Variants in ELAC2 observed in about 807,000 individuals in gnomAD.
ELAC2 encodes the protein elaC ribonuclease Z 2, also known as zinc phosphodiesterase ELAC protein 2.
A neutral mutation model predicts 105.2 loss-of-function variants in ELAC2; 92 were observed. The ratio of observed to expected loss-of-function variants is 0.87; its 90% CI spans 0.74 to 1.04. ELAC2 has a LOEUF of 1.04. ELAC2 is among the 50% of genes least tolerant of loss of function. The probability of loss-of-function intolerance (pLI) is 0.00; values close to 1 mark genes in which losing one functional copy is unlikely to be tolerated. For synonymous variants in ELAC2, 468 were observed against 409.1 expected, an observed-to-expected ratio of 1.14 and a Z score of -1.74; for missense variants, 1,099 against 1,071.7, an observed-to-expected ratio of 1.03 and a Z score of -0.36.
chr17:13,002,436 A>T lies in ELAC2; in HGVS notation c.1218+5T>A. ...GGCCGACAAGGGGCCGGTCTGAGAC[A>T]CTACCTTACAGCGGAAACTGGTGAG... is the stretch of plus-strand genomic sequence containing the variant. On this transcript the variant is annotated splice_donor_5th_base_variant and intron_variant, in intron 13 of 23. Coordinates refer to ENST00000338034, the MANE Select transcript of ELAC2 (RefSeq NM_018127.7). 6.2e-7 allele frequency: 1 copy of T among 1,613,450 alleles called. No homozygotes were observed.
intron 8 of ELAC2, among the ~76,000 whole-genome samples, chr17:13,010,190 TGA>T (rs928251430): frequency 2.4e-4 from 37 of 152,230 alleles, no homozygotes; most frequent in African/African-American, 8.2e-4. Flanking sequence ...TTTTTTTCTT[TGA>T]GAGAGTCTTG....
At chr17:13,000,337 T>C (rs375798344) in intron 14 of ELAC2, 63 bp from the exon 15 acceptor site, 180 of 1,431,488 alleles carry the variant, frequency 1.3e-4, no homozygotes, top group Admixed American at 8.0e-4. Flanking sequence ...GCAGACCCCA[T>C]TGGGGATGTC....
At chr17:13,015,186 T>C (rs1001103018) in intron 4 of ELAC2, among the ~76,000 whole-genome samples, 13 of 152,166 alleles carry the variant, frequency 8.5e-5, no homozygotes, top group Non-Finnish European at 1.5e-4. Context: ...AAGGCGAGAA[T>C]GAATATGGGA....
chr17:13,016,269 T>C (rs532994835), intron 3 of ELAC2, among the ~76,000 whole-genome samples: 2 of 152,272 alleles, frequency 1.3e-5, no homozygotes, highest in East Asian at 3.9e-4. Context: ...ATCTGGACAG[T>C]GGGTATGTGT....
At chr17:12,996,104 C>T (rs561691538) in intron 17 of ELAC2, 126 bp from the exon 18 acceptor site, 41 of 1,045,996 alleles carry the variant, frequency 3.9e-5, no homozygotes, top group East Asian at 3.4e-4. Context: ...CTAACACAGC[C>T]GCAGTGGGGG....
In ELAC2 at chr17:13,003,792, C is replaced by A. The variant is rs760011477; in HGVS notation, c.984-218G>T. On this transcript the variant is annotated intron_variant, in intron 11 of 23. Coordinates refer to ENST00000338034, the MANE Select transcript of ELAC2 (RefSeq NM_018127.7). ...GTGGGATTCCTGTATCTGGCAAGCT[C>A]TGCTCTGGGCTTTCCAGTAGGCCTG... 2.6e-3 allele frequency: 1,511 copies of A among 577,580 alleles called. 7 individuals are homozygous for A. The highest frequency in any genetic ancestry group is 3.4e-3 in the Non-Finnish European group (1,085 of 319,872). The allele number at this position is 577,580 out of a possible 1,614,324, so 35.8% of individuals were successfully genotyped here.
intron 14 of ELAC2, among the ~76,000 whole-genome samples, chr17:13,001,667 T>A (rs996894813): frequency 6.6e-6 from 1 of 152,092 alleles, no homozygotes; most frequent in Non-Finnish European, 1.5e-5. Context: ...AATCCCACAT[T>A]TAGGAATGAC....
chr17:12,999,547 T>G (rs2040651792), intron 15 of ELAC2, among the ~76,000 whole-genome samples: 1 of 152,258 alleles, frequency 6.6e-6, no homozygotes, highest in African/African-American at 2.4e-5. Flanking sequence ...AAGTCCCTGC[T>G]CAGAGCTCTT....
At chr17:12,997,192 C>T (rs985354884) in intron 16 of ELAC2, among the ~76,000 whole-genome samples, 3 of 152,140 alleles carry the variant, frequency 2.0e-5, no homozygotes, top group Admixed American at 6.6e-5. Context: ...TTCAGGGAGC[C>T]AGTTAACGCA....
Position 13,005,938 on chromosome 17 carries a change from C to T in ELAC2, c.780G>A (p.Lys260=). The change falls in exon 9 of 24, where the codon AAG becomes AAA. Residue 260 remains lysine, a synonymous_variant. Transcript: ENST00000338034. ...KRGNFLVLKA[K]EMGLPVGTAA... is the part of the protein sequence containing the mutation. Reference sequence around the variant, plus strand: ...ACACTCACACTGGGAGGCCCATCTCCTTTGCTTTGAGCACCAAGAAGTTTC... The same window carrying T: ...ACACTCACACTGGGAGGCCCATCTCTTTTGCTTTGAGCACCAAGAAGTTTC... 1 of 1,614,196 alleles carries T rather than the reference C, an allele frequency of 6.2e-7. No homozygotes were observed.
chr17:13,010,951 G>C (rs1421286860), intron 7 of ELAC2, among the ~76,000 whole-genome samples: 2 of 152,128 alleles, frequency 1.3e-5, no homozygotes, highest in Non-Finnish European at 2.9e-5. Context: ...CCTAGGACTG[G>C]AGAAGACAGA....
At chr17:12,995,094 T>C (rs772002636) in intron 19 of ELAC2, 32 bp from the exon 20 acceptor site, 1 of 1,610,098 alleles carries the variant, frequency 6.2e-7, no homozygotes. Flanking sequence ...AAAATGATAA[T>C]AAACGTTTCT....
In ELAC2 at chr17:12,992,861, G is replaced by C; in HGVS notation, c.2438C>G (p.Ala813Gly). The C allele has an allele frequency of 6.2e-7, 1 of 1,613,410 alleles. No individual in the cohort carries two copies. Among genetic ancestry groups the C allele is most frequent in the Non-Finnish European group, 8.5e-7 (1 of 1,180,022 alleles). ...CTTGGCCTGTGGCTCCTCTGTGTGG[G>C]CCCGCTTCTGCTGAGGCTCCCCATC... is the stretch of plus-strand genomic sequence containing the variant. The part of the protein sequence containing the change: ...LEDGEPQQKR[A>G]HTEEPQAKKV... Residue 813 changes from alanine to glycine, a missense_variant, in exon 24 of 24, where the codon GCC (alanine) becomes GGC (glycine). Coordinates refer to ENST00000338034, the MANE Select transcript of ELAC2 (RefSeq NM_018127.7).
rs760976860 is a variant in ELAC2 at position 12,995,795 on chromosome 17, C to T, written c.1716G>A (p.Pro572=). The change falls in exon 19 of 24, where the codon CCG becomes CCA. Residue 572 remains proline, a synonymous_variant. Coordinates refer to ENST00000338034, the MANE Select transcript of ELAC2 (RefSeq NM_018127.7). ...RERALASLGK[P]LHPLLVVAPN... The stretch of plus-strand genomic sequence containing the variant: ...GGGCAACCACCAGCAAAGGGTGAAG[C>T]GGCTTTCCCAAAGATGCCTGGAACA... The T allele has an allele frequency of 1.4e-5, 22 of 1,611,584 alleles. 1 individual carries two copies. The highest frequency in any genetic ancestry group is 1.3e-4 in the Admixed American group (8 of 59,720).
chr17:12,995,780 C>G lies in ELAC2; in HGVS notation c.1731G>C (p.Leu577=), dbSNP rs772768599. The G allele has an allele frequency of 9.3e-6, 15 of 1,612,776 alleles. No homozygotes were observed. The Middle Eastern group carries it at 1.2e-3, about 124-fold the overall frequency. Residue 577 remains leucine, a synonymous_variant, in exon 19 of 24, where the codon CTG becomes CTC. Coordinates refer to ENST00000338034, the MANE Select transcript of ELAC2 (RefSeq NM_018127.7). ...CTTTGAGCTGGTTGGGGGCAACCAC[C>G]AGCAAAGGGTGAAGCGGCTTTCCCA... The part of the protein sequence containing the change: ...ASLGKPLHPL[L]VVAPNQLKAW...
rs1416505778 is a variant in ELAC2 at position 12,991,801 on chromosome 17, T to TTACA, written c.*1013_*1016dup. 1.3e-5 allele frequency among the ~76,000 whole-genome samples: 2 copies of TTACA among 151,720 alleles called. No homozygotes were observed. Among genetic ancestry groups the TTACA allele is most frequent in the African/African-American group, 4.8e-5 (2 of 41,272 alleles). On this transcript the variant is annotated 3_prime_UTR_variant, in exon 24 of 24. Transcript: ENST00000338034. The stretch of plus-strand genomic sequence containing the variant: ...TTTTGAGTTTTTAAAGCTCTTCTTT[T>TTACA]TACATTCTCCTGGGTAGGGAATATA...
intron 17 of ELAC2, 196 bp from the exon 18 acceptor site, chr17:12,996,174 G>A (rs919990599): frequency 1.5e-5 from 11 of 713,776 alleles, no homozygotes; most frequent in African/African-American, 5.3e-5. Flanking sequence ...AAAGCGACAC[G>A]ACCCGTGCTG....
At chr17:13,016,838 T>A (rs773381153) in intron 3 of ELAC2, 24 bp downstream of exon 3, 2 of 1,612,638 alleles carry the variant, frequency 1.2e-6, no homozygotes, top group Non-Finnish European at 1.7e-6. Flanking sequence ...CACCAGCCTC[T>A]GACACTGCAA....
chr17:12,999,799 C>T (rs2040675927), intron 15 of ELAC2, among the ~76,000 whole-genome samples: 1 of 152,184 alleles, frequency 6.6e-6, no homozygotes, highest in Non-Finnish European at 1.5e-5. Context: ...GCTGGGACTA[C>T]AGGCGCCCGC....
Sources: gnomAD v4.1 joint callset for allele counts (sites outside exome capture counted in the v4.1 genomes callset) on GRCh38, gnomAD v4.1.1 for gene constraint, MANE v1.5 for transcripts, NCBI Gene and HGNC (gene_info 2026-07-23, HGNC 2026-07-21) for gene names.